PIGU: variants seen among roughly 807,000 people sequenced by gnomAD.
PIGU encodes the protein GPI-anchor transamidase component PIGU.
A neutral mutation model predicts 49.9 loss-of-function variants in PIGU; 24 were observed. The observed-to-expected ratio is 0.48, with a 90% CI of 0.35 to 0.68. The LOEUF (loss-of-function observed/expected upper bound fraction) is 0.68, where lower values mean the gene tolerates loss of function less well. Ranked by LOEUF, PIGU falls within the 30% of genes least tolerant of loss-of-function variation. The pLI is 0.01. For missense variants in PIGU, 490 were observed against 532.6 expected, an observed-to-expected ratio of 0.92 and a Z score of 0.79; for synonymous variants, 220 against 205.7, an observed-to-expected ratio of 1.07 and a Z score of -0.59.
chr20:34,651,478 G>C (rs1046932688), intron 2 of PIGU, among the ~76,000 whole-genome samples: 4 of 151,952 alleles, frequency 2.6e-5, no homozygotes, highest in Non-Finnish European at 1.5e-5. Context: ...CTTAATCCCT[G>C]GAGTCCTGCT....
intron 2 of PIGU, among the ~76,000 whole-genome samples, chr20:34,654,234 A>G (rs185317889): frequency 0.013 from 1,342 of 104,802 alleles, 308 homozygotes; most frequent in African/African-American, 0.045. Context: ...AGGCCGAGGC[A>G]GGTGGATCAC....
At chr20:34,599,520 T>C (rs971097361) in intron 7 of PIGU, among the ~76,000 whole-genome samples, 2 of 152,250 alleles carry the variant, frequency 1.3e-5, no homozygotes, top group East Asian at 1.9e-4. Context: ...GATCAAACTA[T>C]AGAGAGTGCT....
At chr20:34,634,273 T>C (rs112547491) in intron 6 of PIGU, among the ~76,000 whole-genome samples, 1 of 152,054 alleles carries the variant, frequency 6.6e-6, no homozygotes, top group Non-Finnish European at 1.5e-5. Context: ...GCTCTTGCTA[T>C]GTTCCCCAGG....
At chr20:34,601,231 G>A (rs75345986) in intron 7 of PIGU, among the ~76,000 whole-genome samples, 1,917 of 152,164 alleles carry the variant, frequency 0.013, 48 homozygotes, top group African/African-American at 0.044. Context: ...CAAACTTGTG[G>A]TTACAAGATG....
intron 6 of PIGU, among the ~76,000 whole-genome samples, chr20:34,619,096 G>A (rs2146744128): frequency 6.6e-6 from 1 of 152,302 alleles, no homozygotes; most frequent in East Asian, 1.9e-4. Flanking sequence ...TTGACAGAAA[G>A]TAGAAGGGAG....
At chr20:34,658,561 C>T (rs1287008727) in intron 1 of PIGU, among the ~76,000 whole-genome samples, 6 of 151,758 alleles carry the variant, frequency 4.0e-5, no homozygotes, top group African/African-American at 1.2e-4. Flanking sequence ...CGTCTCTGCC[C>T]GGCCGCCCAT....
At chr20:34,650,768 C>T (rs1986519356) in intron 2 of PIGU, among the ~76,000 whole-genome samples, 1 of 107,914 alleles carries the variant, frequency 9.3e-6, no homozygotes, top group Non-Finnish European at 1.7e-5. Flanking sequence ...GTCGGGAATG[C>T]GGTGGCGTGA....
chr20:34,629,613 T>A (rs796287575), intron 6 of PIGU, among the ~76,000 whole-genome samples: 8 of 152,344 alleles, frequency 5.3e-5, no homozygotes, highest in African/African-American at 1.9e-4. Context: ...TACAGATGTA[T>A]GATCTAAGTA....
chr20:34,649,949 C>T (rs1986477808), intron 2 of PIGU, among the ~76,000 whole-genome samples: 1 of 149,794 alleles, frequency 6.7e-6, no homozygotes. Context: ...CCCAGGTTCA[C>T]GCCATTCTCC....
chr20:34,622,150 C>T (rs912365997), intron 6 of PIGU, among the ~76,000 whole-genome samples: 3 of 152,116 alleles, frequency 2.0e-5, no homozygotes, highest in Admixed American at 1.3e-4. Flanking sequence ...GGTTACTCAA[C>T]GTTTCGTGAA....
intron 11 of PIGU, among the ~76,000 whole-genome samples, chr20:34,563,365 C>T (rs950281906): frequency 3.3e-5 from 5 of 152,014 alleles, no homozygotes; most frequent in African/African-American, 4.8e-5. Context: ...GTTGGGAGTT[C>T]GAGACCAGCC....
intron 1 of PIGU, 129 bp downstream of exon 1, chr20:34,676,827 G>T: frequency 5.1e-6 from 4 of 785,368 alleles, no homozygotes; most frequent in Non-Finnish European, 7.2e-6. Flanking sequence ...CCCTCTCCAA[G>T]AACCCCACGA....
At chr20:34,646,591 TAG>T (rs995336349) in intron 2 of PIGU, among the ~76,000 whole-genome samples, 1 of 150,440 alleles carries the variant, frequency 6.6e-6, no homozygotes, top group African/African-American at 2.4e-5. Context: ...GTATTTTTAG[TAG>T]AGACTGGGTT....
intron 7 of PIGU, among the ~76,000 whole-genome samples, chr20:34,595,409 G>T (rs973333350): frequency 1.3e-5 from 2 of 152,200 alleles, no homozygotes; most frequent in African/African-American, 4.8e-5. Flanking sequence ...GAGAGGATAT[G>T]CCTAGGTTAT....
chr20:34,617,116 C>T (rs368825045), intron 6 of PIGU, among the ~76,000 whole-genome samples: 30 of 152,290 alleles, frequency 2.0e-4, no homozygotes, highest in African/African-American at 6.3e-4. Context: ...CAGTAGGGGG[C>T]GGAGCCCTCA....
intron 11 of PIGU, 126 bp downstream of exon 11, chr20:34,574,978 G>C (rs1482260915): frequency 2.0e-5 from 26 of 1,281,506 alleles, no homozygotes; most frequent in African/African-American, 3.0e-5. Flanking sequence ...AGCTACTTGA[G>C]GGGAGTAACT....
chr20:34,658,807 G>A (rs1198885611), intron 1 of PIGU, among the ~76,000 whole-genome samples: 75 of 149,898 alleles, frequency 5.0e-4, no homozygotes, highest in Middle Eastern at 7.2e-3. Context: ...CAGCCGCCCC[G>A]TCTGAGAAGC....
At chr20:34,657,449 TCATTATAAGA>T (rs1249367584) in intron 1 of PIGU, among the ~76,000 whole-genome samples, 3 of 152,226 alleles carry the variant, frequency 2.0e-5, no homozygotes, top group African/African-American at 7.2e-5. Context: ...TGGGCAGCAC[TCATTATAAGA>T]CAGTTTTATG....
intron 2 of PIGU, among the ~76,000 whole-genome samples, chr20:34,651,571 C>T (rs1355866223): frequency 6.6e-6 from 1 of 150,730 alleles, no homozygotes; most frequent in African/African-American, 2.4e-5. Context: ...TCTAGTTGTT[C>T]GTGGCAGGTA....
Sources: allele counts gnomAD v4.1 joint callset (sites outside exome capture counted in the v4.1 genomes callset), GRCh38; gene constraint gnomAD v4.1.1; transcripts MANE v1.5; gene names NCBI Gene and HGNC (gene_info 2026-07-23, HGNC 2026-07-21).